DLG2: variants seen among roughly 807,000 people sequenced by gnomAD.
DLG2 encodes the protein disks large homolog 2.
Under a neutral mutation model 132.5 loss-of-function variants are expected in DLG2, and 45 were observed. That is an observed-to-expected ratio of 0.34 (90% CI 0.27 to 0.44). The LOEUF (loss-of-function observed/expected upper bound fraction) is 0.44, where lower values mean the gene tolerates loss of function less well. Ranked by LOEUF, DLG2 falls within the 20% of genes least tolerant of loss-of-function variation. The pLI is 1.00. For missense variants in DLG2, 1,045 were observed against 1,196.9 expected, an observed-to-expected ratio of 0.87 and a Z score of 1.87; for synonymous variants, 424 against 419.6, an observed-to-expected ratio of 1.01 and a Z score of -0.13.
At chr11:83,938,375 A>T (rs2081961014) in intron 14 of DLG2, among the ~76,000 whole-genome samples, 1 of 151,536 alleles carries the variant, frequency 6.6e-6, no homozygotes, top group Non-Finnish European at 1.5e-5. Context: ...AAAGAGGGTG[A>T]AAAGGGAGAA....
At chr11:84,715,239 T>C (rs906994574) in intron 6 of DLG2, among the ~76,000 whole-genome samples, 1 of 152,164 alleles carries the variant, frequency 6.6e-6, no homozygotes, top group African/African-American at 2.4e-5. Flanking sequence ...AAAGAGGTGC[T>C]CAAGTTTTAG....
chr11:85,575,996 T>C (rs935280596), intron 3 of DLG2, among the ~76,000 whole-genome samples: 1 of 152,164 alleles, frequency 6.6e-6, no homozygotes, highest in African/African-American at 2.4e-5. Context: ...AATAATTGCA[T>C]CAATAAGAAT....
chr11:84,001,564 A>T (rs1051828135), intron 11 of DLG2, among the ~76,000 whole-genome samples: 1 of 152,140 alleles, frequency 6.6e-6, no homozygotes, highest in Non-Finnish European at 1.5e-5. Flanking sequence ...ATTAACAAAG[A>T]AACATTAAAG....
At chr11:83,868,364 T>A (rs1431316067) in intron 16 of DLG2, among the ~76,000 whole-genome samples, 1 of 152,112 alleles carries the variant, frequency 6.6e-6, no homozygotes. Context: ...ATAAATCTTT[T>A]TGGGGGGAGC....
chr11:85,579,906 A>G (rs2078405378), intron 3 of DLG2, among the ~76,000 whole-genome samples: 1 of 152,134 alleles, frequency 6.6e-6, no homozygotes, highest in Non-Finnish European at 1.5e-5. Context: ...ATAGGAGAGA[A>G]GCCTGATATG....
chr11:84,436,608 A>G (rs1258782088), intron 7 of DLG2, among the ~76,000 whole-genome samples: 1 of 152,210 alleles, frequency 6.6e-6, no homozygotes, highest in Non-Finnish European at 1.5e-5. Context: ...CAGTTTGGAC[A>G]GTGCCCCAGA....
At chr11:84,802,143 G>A (rs1452125076) in intron 6 of DLG2, among the ~76,000 whole-genome samples, 2 of 151,410 alleles carry the variant, frequency 1.3e-5, no homozygotes, top group African/African-American at 2.4e-5. Flanking sequence ...TTGGAATCAG[G>A]CAGCCTGGGG....
intron 3 of DLG2, among the ~76,000 whole-genome samples, chr11:85,541,382 A>T (rs1022093642): frequency 4.6e-5 from 7 of 151,914 alleles, no homozygotes; most frequent in Admixed American, 4.6e-4. Context: ...ATTAGAAATA[A>T]GCAAGTCCAA....
intron 4 of DLG2, among the ~76,000 whole-genome samples, chr11:85,219,335 T>G (rs183255841): frequency 2.0e-5 from 3 of 152,294 alleles, no homozygotes; most frequent in Admixed American, 6.5e-5. Context: ...TGAGTTTAAT[T>G]CTCTTATAAC....
At chr11:85,193,631 T>G (rs1372175433) in intron 4 of DLG2, among the ~76,000 whole-genome samples, 1 of 152,236 alleles carries the variant, frequency 6.6e-6, no homozygotes, top group Non-Finnish European at 1.5e-5. Context: ...ATGATTAATG[T>G]TATCGATCAT....
chr11:85,178,778 T>C (rs890076463), intron 4 of DLG2, among the ~76,000 whole-genome samples: 1 of 151,612 alleles, frequency 6.6e-6, no homozygotes, highest in East Asian at 1.9e-4. Context: ...TGCAGAAAAA[T>C]TGGAAGATAG....
Position 84,912,873 on chromosome 11 carries a change from G to T in DLG2, c.357+198788C>A, listed in dbSNP as rs1322060003. ...AGAAACACATAAGCTCTTGAACAGAGAAATGGATGGCCAGTTCTTATCTGT... is the reference window on the plus strand; with the variant it reads ...AGAAACACATAAGCTCTTGAACAGATAAATGGATGGCCAGTTCTTATCTGT... On this transcript the variant is annotated intron_variant, in intron 6 of 27. Coordinates refer to ENST00000376104, the MANE Select transcript of DLG2 (RefSeq NM_001142699.3). Among the ~76,000 whole-genome samples, 3 of 152,234 alleles carry T rather than the reference G, an allele frequency of 2.0e-5. No individual in the cohort carries two copies. In the East Asian group the frequency reaches 5.8e-4, roughly 29 times the overall value.
chr11:85,459,383 T>A (rs1326923940), intron 3 of DLG2, among the ~76,000 whole-genome samples: 1 of 151,928 alleles, frequency 6.6e-6, no homozygotes, highest in Non-Finnish European at 1.5e-5. Context: ...GTGACTGTGG[T>A]GTATTGGAAG....
intron 5 of DLG2, among the ~76,000 whole-genome samples, chr11:85,132,058 G>C (rs2075755047): frequency 6.6e-6 from 1 of 152,004 alleles, no homozygotes; most frequent in African/African-American, 2.4e-5. Flanking sequence ...ACATTATTTA[G>C]AACTGATGAC....
chr11:84,843,901 T>C (rs1385855719), intron 6 of DLG2, among the ~76,000 whole-genome samples: 1 of 151,290 alleles, frequency 6.6e-6, no homozygotes, highest in East Asian at 1.9e-4. Flanking sequence ...TTTATCTCTA[T>C]AATATTTGTA....
chr11:85,101,995 C>A (rs1377042692), intron 6 of DLG2, among the ~76,000 whole-genome samples: 3 of 151,956 alleles, frequency 2.0e-5, no homozygotes, highest in Non-Finnish European at 1.5e-5. Flanking sequence ...GAAAGACCTT[C>A]AAATGTGCTT....
chr11:83,549,663 G>A (rs1354100886), intron 19 of DLG2, among the ~76,000 whole-genome samples: 1 of 152,152 alleles, frequency 6.6e-6, no homozygotes, highest in African/African-American at 2.4e-5. Flanking sequence ...TGGGAGCAGA[G>A]AGATCTAAAC....
chr11:84,375,475 G>A (rs1351265361), intron 7 of DLG2, among the ~76,000 whole-genome samples: 1 of 151,966 alleles, frequency 6.6e-6, no homozygotes, highest in African/African-American at 2.4e-5. Flanking sequence ...TTTACATTTA[G>A]TTTTTTATAC....
At chr11:84,032,692 G>A (rs1330897423) in intron 11 of DLG2, among the ~76,000 whole-genome samples, 8 of 152,136 alleles carry the variant, frequency 5.3e-5, no homozygotes, top group Admixed American at 2.6e-4. Context: ...GCCTTGTATT[G>A]GAAGAAGATG....
Sources: gnomAD v4.1 joint callset for allele counts (sites outside exome capture counted in the v4.1 genomes callset) on GRCh38, gnomAD v4.1.1 for gene constraint, MANE v1.5 for transcripts, NCBI Gene and HGNC (gene_info 2026-07-23, HGNC 2026-07-21) for gene names.